The following PRDM2 variants were observed in gnomAD, a reference collection of about 807,000 sequenced individuals.
PRDM2 encodes the protein PR domain zinc finger protein 2.
In PRDM2, 30 loss-of-function variants were observed where a neutral mutation model predicts 130.0. The ratio of observed to expected loss-of-function variants is 0.23; its 90% confidence interval spans 0.17 to 0.31. The LOEUF is 0.31. Among genes scored for constraint, PRDM2 ranks in the 10% least tolerant of loss-of-function variants. The pLI is 1.00. For synonymous variants in PRDM2, 871 were observed against 782.4 expected (o/e 1.11, Z -1.89); for missense variants, 2,011 against 2,108.4 (o/e 0.95, Z 0.90).
At chr1:13,712,457 TC>T (rs1436316235) in intron 1 of PRDM2, among the ~76,000 whole-genome samples, 1 of 152,188 alleles carries the variant, frequency 6.6e-6, no homozygotes, top group Non-Finnish European at 1.5e-5. Flanking sequence ...AGCTCCATCC[TC>T]CCATGCCCTC....
chr1:13,810,220 G>A (rs1176829301), intron 8 of PRDM2, among the ~76,000 whole-genome samples: 3 of 152,132 alleles, frequency 2.0e-5, no homozygotes, highest in Non-Finnish European at 2.9e-5. Context: ...AATTAAGCAT[G>A]CATGGAACCC....
chr1:13,786,667 A>T, intron 8 of PRDM2: 1 of 1,526,946 alleles, frequency 6.5e-7, no homozygotes, highest in South Asian at 1.2e-5. Flanking sequence ...CCTAACATTC[A>T]GCTGATTGCC....
At chr1:13,757,561 T>C (rs1643987161) in intron 6 of PRDM2, among the ~76,000 whole-genome samples, 1 of 152,092 alleles carries the variant, frequency 6.6e-6, no homozygotes, top group Non-Finnish European at 1.5e-5. Flanking sequence ...AAAATACACA[T>C]TTTAAAGTTT....
chr1:13,716,490 A>G (rs1642546142), intron 2 of PRDM2, among the ~76,000 whole-genome samples: 1 of 152,246 alleles, frequency 6.6e-6, no homozygotes, highest in Admixed American at 6.5e-5. Flanking sequence ...AAAGTTATTT[A>G]TAGAGACTGC....
rs981582368 is a variant in PRDM2, at chr1:13,782,570, C to G, written c.4775C>G (p.Pro1592Arg). 3 of 1,614,072 alleles carry G rather than the reference C, an allele frequency of 1.9e-6. No individual in the cohort carries two copies. Among genetic ancestry groups the G allele is most frequent in the African/African-American group, 1.3e-5 (1 of 74,928 alleles). Reference protein sequence around the residue: ...AKITHVEGKKPKAVAKNHSAQ... With the variant: ...AKITHVEGKKRKAVAKNHSAQ... ...ATAACTCATGTTGAGGGGAAAAAAC[C>G]TAAAGCTGTGGCCAAGAATCATTCT... is the stretch of plus-strand genomic sequence containing the variant. Residue 1592 changes from proline to arginine, a missense_variant, in exon 8 of 10, where the codon CCT becomes CGT. By Grantham distance (103) the Pro-to-Arg change is moderately radical. Coordinates refer to ENST00000311066, the MANE Select transcript of PRDM2 (RefSeq NM_001393986.1).
At chr1:13,738,877 A>G (rs980483456) in intron 4 of PRDM2, 16 of 152,082 alleles carry the variant, frequency 1.1e-4, no homozygotes, top group African/African-American at 3.9e-4. Flanking sequence ...ATAATCTTCA[A>G]CAAACCCTTC....
chr1:13,736,114 CTTTT>C (rs766095858), intron 4 of PRDM2, among the ~76,000 whole-genome samples: 3 of 132,006 alleles, frequency 2.3e-5, no homozygotes, highest in Admixed American at 7.6e-5. Context: ...TGTTTCTTTT[CTTTT>C]TTTTTTTTTT....
Position 13,749,474 on chromosome 1 carries a change from C to A in PRDM2, c.498C>A (p.Pro166=), listed in dbSNP as rs536087579. 1.7e-5 allele frequency: 25 copies of A among 1,475,312 alleles called. No individual in the cohort carries two copies. The highest frequency in any genetic ancestry group is 1.2e-5 in the South Asian group (1 of 85,648). The allele number at this position is 1,475,312 out of a possible 1,614,324, so 91.4% of individuals were successfully genotyped here. A position where few individuals can be genotyped will look rare whatever the true frequency, so the allele number is the denominator to read the frequency against. The part of the protein sequence containing the change: ...RASARSKRSS[P]KSRKGKKKSQ... Reference sequence around the variant, plus strand: ...GCGCCCGGAGCAAGCGGAGCTCCCCCAAGAGCCGGAAAGGTAGGAGCCCCC... The same window carrying A: ...GCGCCCGGAGCAAGCGGAGCTCCCCAAAGAGCCGGAAAGGTAGGAGCCCCC... Residue 166 remains proline (P), a synonymous_variant, in exon 6 of 10, where the codon CCC becomes CCA. Transcript: ENST00000311066.
chr1:13,767,934 C>G (rs1347985633), intron 6 of PRDM2, among the ~76,000 whole-genome samples: 2 of 152,050 alleles, frequency 1.3e-5, no homozygotes, highest in Non-Finnish European at 2.9e-5. Flanking sequence ...CGAGATCATG[C>G]CATCGCACTC....
Position 13,781,108 on chromosome 1 carries a change from T to C in PRDM2, c.3313T>C (p.Leu1105=). Residue 1105 remains leucine (L), a synonymous_variant, in exon 8 of 10, where the codon TTA becomes CTA. Coordinates refer to ENST00000311066, the MANE Select transcript of PRDM2 (RefSeq NM_001393986.1). This position sits in a 1 kb window ranked among gnomAD's most constrained non-coding sequence, Gnocchi z 6.1. ...LPMISFKQEE[L]ENEGLKPREE... The stretch of plus-strand genomic sequence containing the variant: ...CATGATATCTTTCAAACAGGAGGAA[T>C]TAGAGAATGAAGGTCTGAAACCCAG... 1.2e-6 allele frequency: 2 copies of C among 1,613,874 alleles called. No individual in the cohort carries two copies. The highest frequency in any genetic ancestry group is 1.7e-6 in the Non-Finnish European group (2 of 1,179,792).
In PRDM2 at chr1:13,779,438, G is replaced by A; in HGVS notation, c.1643G>A (p.Gly548Glu). ...YVPSTEPEEE[G>E]EADDVYIMDI... ...CCAAGCACAGAGCCGGAGGAGGAAG[G>A]GGAAGCAGATGATGTGTACATCATG... Residue 548 changes from glycine to glutamate, a missense_variant, in exon 8 of 10, where the codon GGG (glycine) becomes GAG (glutamate). Physicochemically the swap from Gly to Glu is moderately conservative, Grantham distance 98. This residue lies in a region of PRDM2 where 1,288 missense variants were observed against 1,237.7 expected (regional missense o/e 1.04). Transcript: ENST00000311066. This position sits in a 1 kb window ranked among gnomAD's most constrained non-coding sequence, Gnocchi z 4.9. 6.2e-7 allele frequency: 1 copy of A among 1,614,148 alleles called. No homozygotes were observed. Among genetic ancestry groups the A allele is most frequent in the Non-Finnish European group, 8.5e-7 (1 of 1,180,052 alleles).
intron 8 of PRDM2, among the ~76,000 whole-genome samples, chr1:13,807,558 A>G (rs1645104663): frequency 6.6e-6 from 1 of 152,196 alleles, no homozygotes; most frequent in Admixed American, 6.5e-5. Flanking sequence ...GCTCACTGGG[A>G]ATGAGACATT....
intron 6 of PRDM2, among the ~76,000 whole-genome samples, chr1:13,757,088 C>T (rs1643974448): frequency 6.6e-6 from 1 of 152,216 alleles, no homozygotes; most frequent in Non-Finnish European, 1.5e-5. Context: ...GAAGTGCCCA[C>T]TTTAATTCTA....
At chr1:13,702,913 C>T (rs1642109997) in intron 1 of PRDM2, among the ~76,000 whole-genome samples, 9 of 152,118 alleles carry the variant, frequency 5.9e-5, no homozygotes, top group Admixed American at 5.2e-4. Flanking sequence ...ACTTGCATGA[C>T]GATGGGTAGC....
chr1:13,822,254 A>T (rs901605560), intron 9 of PRDM2, among the ~76,000 whole-genome samples: 4 of 152,124 alleles, frequency 2.6e-5, no homozygotes, highest in Non-Finnish European at 5.9e-5. Context: ...CTCAGCACAA[A>T]TGCATACGTA....
chr1:13,723,070 T>A (rs987316770), intron 2 of PRDM2, among the ~76,000 whole-genome samples: 21 of 152,210 alleles, frequency 1.4e-4, no homozygotes, highest in African/African-American at 4.8e-4. Flanking sequence ...GTCTCTATTC[T>A]GGTGCAGCCG....
intron 2 of PRDM2, among the ~76,000 whole-genome samples, chr1:13,728,568 G>A (rs1462940328): frequency 6.6e-6 from 1 of 152,176 alleles, no homozygotes; most frequent in African/African-American, 2.4e-5. Context: ...GAACTGAGGT[G>A]CTCTGTTGTA....
chr1:13,733,041 G>A (rs1374752000), intron 4 of PRDM2, among the ~76,000 whole-genome samples, 159 bp downstream of exon 4: 1 of 152,186 alleles, frequency 6.6e-6, no homozygotes, highest in Non-Finnish European at 1.5e-5. Context: ...CCTGGATACA[G>A]ACTGCTATTT....
intron 2 of PRDM2, among the ~76,000 whole-genome samples, chr1:13,727,902 A>C (rs1642975266): frequency 6.6e-6 from 1 of 152,208 alleles, no homozygotes; most frequent in South Asian, 2.1e-4. Flanking sequence ...GATATGTACC[A>C]AGAAGAGATC....
Sources: gnomAD v4.1 joint callset for allele counts (sites outside exome capture counted in the v4.1 genomes callset) on GRCh38, gnomAD v4.1.1 for gene constraint, gnomAD v4.1.1 regional missense constraint, Gnocchi (gnomAD v3.1) non-coding constraint, MANE v1.5 for transcripts, NCBI Gene and HGNC (gene_info 2026-07-23, HGNC 2026-07-21) for gene names.